The following XPNPEP2 variants were observed in gnomAD, a reference collection of about 807,000 sequenced individuals.
XPNPEP2 encodes the protein X-prolyl aminopeptidase 2, also known as xaa-Pro aminopeptidase 2.
Under a neutral mutation model 59.8 loss-of-function variants are expected in XPNPEP2, and 64 were observed. The observed-to-expected ratio is 1.07, with a 90% CI of 0.87 to 1.32. The LOEUF (loss-of-function observed/expected upper bound fraction) is 1.32, where lower values mean the gene tolerates loss of function less well. Ranked by LOEUF, XPNPEP2 falls within the 40% of genes most tolerant of loss-of-function variation. XPNPEP2 has a pLI of 0.00. For synonymous variants in XPNPEP2, 235 were observed against 210.0 expected (o/e 1.12, Z -1.03); for missense variants, 575 against 546.8 (o/e 1.05, Z -0.51).
Position 129,739,470 on chromosome X carries a change from GA to G in XPNPEP2, c.49+216del, listed in dbSNP as rs753351194. ...GCACCTTTCCATTCCCCCCGTTATA[GA>G]AAAAAAATATTCTGACACTCGTTAA... On this transcript the variant is annotated intron_variant, in intron 1 of 20. Transcript: ENST00000371106. Among the ~76,000 whole-genome samples, 13 of 111,389 alleles carry G rather than the reference GA, an allele frequency of 1.2e-4. No homozygotes were observed. In the South Asian group the frequency reaches 4.9e-3, roughly 42 times the overall value.
chrX:129,759,273 T>C (rs859580), intron 15 of XPNPEP2, 33 bp downstream of exon 15: 43,227 of 1,203,288 alleles, frequency 0.036, 1,637 homozygotes, highest in African/African-American at 0.22. Context: ...CCTCACCACC[T>C]TCCCCCAAGG....
At chrX:129,751,485 A>G (rs1414385490) in intron 8 of XPNPEP2, among the ~76,000 whole-genome samples, 2 of 106,071 alleles carry the variant, frequency 1.9e-5, no homozygotes, top group Non-Finnish European at 3.9e-5. Context: ...CCTGGGTGAC[A>G]GAGCAAGATA....
At chrX:129,750,745 T>C (rs1462012102) in intron 8 of XPNPEP2, among the ~76,000 whole-genome samples, 176 bp downstream of exon 8, 4 of 112,280 alleles carry the variant, frequency 3.6e-5, no homozygotes, top group Non-Finnish European at 5.6e-5. Flanking sequence ...CAGGAGCTCA[T>C]GGCTTCAGAA....
chrX:129,747,538 GCC>G, intron 6 of XPNPEP2, 67 bp from the exon 7 acceptor site: 1 of 1,182,361 alleles, frequency 8.5e-7, no homozygotes, highest in South Asian at 1.9e-5. Context: ...GACTAACTTT[GCC>G]TGAATCACAA....
In XPNPEP2 at chrX:129,768,585, C is replaced by T. The variant is rs1330162437; in HGVS notation, c.*100C>T. 22 of 779,096 alleles carry T rather than the reference C, an allele frequency of 2.8e-5. No homozygotes were observed. The highest frequency in any genetic ancestry group is 3.8e-5 in the Non-Finnish European group (22 of 581,783). 64.2% of individuals were successfully genotyped at this position (779,096 alleles called of 1,213,427 possible). A position where few individuals can be genotyped will look rare whatever the true frequency, so the allele number is the denominator to read the frequency against. ...AACATACCCCAAGAGCCCCTGCTGG[C>T]CCATTGCCTAGAAACCTTTGCATTC... On this transcript the variant is annotated 3_prime_UTR_variant, in exon 21 of 21. Transcript: ENST00000371106.
At chrX:129,745,378 G>T in intron 4 of XPNPEP2, 112 bp downstream of exon 4, 1 of 881,083 alleles carries the variant, frequency 1.1e-6, no homozygotes, top group South Asian at 2.2e-5. Context: ...CTACTGTAGA[G>T]AAAACCCTTC....
intron 8 of XPNPEP2, among the ~76,000 whole-genome samples, 169 bp from the exon 9 acceptor site, chrX:129,751,576 A>G (rs1425643793): frequency 2.6e-5 from 2 of 77,420 alleles, no homozygotes; most frequent in African/African-American, 1.1e-4. Flanking sequence ...GAAAGAAAGA[A>G]AGAAAGAAAG....
chrX:129,744,299 T>C (rs772367668), intron 3 of XPNPEP2, among the ~76,000 whole-genome samples: 2 of 112,095 alleles, frequency 1.8e-5, no homozygotes, highest in East Asian at 5.6e-4. Flanking sequence ...AATTAAACTA[T>C]AAACAACTTC....
chrX:129,755,439 G>A, intron 13 of XPNPEP2, 68 bp downstream of exon 13: 9 of 1,054,919 alleles, frequency 8.5e-6, no homozygotes, highest in East Asian at 3.0e-5. Flanking sequence ...GAGGAACAGG[G>A]TGAGGGGAGG....
Position 129,756,575 on chromosome X carries a change from C to G in XPNPEP2, c.1367+20C>G, listed in dbSNP as rs367970538. 12 of 1,204,033 alleles carry G rather than the reference C, an allele frequency of 1.0e-5. No individual in the cohort carries two copies. In the Middle Eastern group the frequency reaches 1.4e-3, roughly 139 times the overall value. ...GTACTGGTATGTACCCCGACCTCAC[C>G]CTAGCCTGGATGTCTCTGCTCAGAC... On this transcript the variant is annotated intron_variant, in intron 14 of 20. Transcript: ENST00000371106.
intron 2 of XPNPEP2, 146 bp from the exon 3 acceptor site, chrX:129,743,815 C>G: frequency 1.9e-6 from 1 of 513,572 alleles, no homozygotes; most frequent in African/African-American, 2.3e-5. Flanking sequence ...CATCCCTTCC[C>G]AAGCCAGGCC....
chrX:129,756,996 C>CTATATATATATATATA lies in XPNPEP2; in HGVS notation c.1367+454_1367+469dup, dbSNP rs61273791. ...TACAGGTGTCCACCACCATGCCCAG[C>CTATATATATATATATA]TATATATATATATATATATATATAT... is the stretch of plus-strand genomic sequence containing the variant. On this transcript the variant is annotated intron_variant, in intron 14 of 20. Coordinates refer to ENST00000371106, the MANE Select transcript of XPNPEP2 (RefSeq NM_003399.6). Among the ~76,000 whole-genome samples the CTATATATATATATATA allele has an allele frequency of 1.5e-3, 104 of 70,377 alleles. No individual in the cohort carries two copies. The East Asian group carries it at 0.017, about 12-fold the overall frequency. 61.1% of individuals were successfully genotyped at this position (70,377 alleles called of 115,157 possible).
Position 129,754,569 on chromosome X carries a change from A to G in XPNPEP2, c.1205A>G (p.Asp402Gly). The G allele has an allele frequency of 1.7e-6, 2 of 1,184,721 alleles. No individual in the cohort carries two copies. Among genetic ancestry groups the G allele is most frequent in the Non-Finnish European group, 2.3e-6 (2 of 882,160 alleles). ...GAGTTCTCGGGGGCAGAGATCGTGG[A>G]CAAGTTCCGAGGGTGAAGAGCCACG... ...VDEFSGAEIV[D>G]KFRGEEQFSS... Residue 402 changes from aspartate (D) to glycine (G), a missense_variant, in exon 12 of 21, where the codon GAC (aspartate) becomes GGC (glycine). Asp to Gly is a moderately conservative substitution (Grantham distance 94). Transcript: ENST00000371106.
intron 17 of XPNPEP2, 43 bp from the exon 18 acceptor site, chrX:129,761,963 G>A (rs1350911386): frequency 1.7e-6 from 2 of 1,186,811 alleles, no homozygotes; most frequent in Admixed American, 4.4e-5. Flanking sequence ...CCAAGCTGGT[G>A]AGTATAGGAG....
chrX:129,767,397 G>T (rs894497131), intron 19 of XPNPEP2, among the ~76,000 whole-genome samples: 1 of 111,330 alleles, frequency 9.0e-6, no homozygotes, highest in Non-Finnish European at 1.9e-5. Context: ...CAGGAGGGAA[G>T]CACCAAAGGT....
intron 15 of XPNPEP2, 151 bp downstream of exon 15, chrX:129,759,391 G>A: frequency 3.1e-6 from 2 of 636,032 alleles, no homozygotes; most frequent in Admixed American, 6.2e-5. Context: ...AAAACCCAGT[G>A]CTCCCTGCTG....
At chrX:129,753,344 A>G in intron 11 of XPNPEP2, 96 bp downstream of exon 11, 1 of 867,867 alleles carries the variant, frequency 1.2e-6, no homozygotes. Flanking sequence ...GAAGACCCTC[A>G]ATGAAACAAA....
chrX:129,745,438 G>T (rs1926276260), intron 4 of XPNPEP2, among the ~76,000 whole-genome samples, 172 bp downstream of exon 4: 1 of 110,849 alleles, frequency 9.0e-6, no homozygotes, highest in African/African-American at 3.3e-5. Flanking sequence ...ATTCCCCAGG[G>T]CACATATCTC....
Position 129,762,007 on chromosome X carries a change from G to C in XPNPEP2, c.1605G>C (p.Trp535Cys). ...GIGNFLCVHE[W>C]PVGFQSNNIA... ...CCATGTTTATGTCTTCCTTTCTAGG[G>C]CCAGTGGGATTCCAGTCCAACAACA... The change falls in exon 18 of 21, where the codon TGG becomes TGC. Residue 535 changes from tryptophan (W) to cysteine (C), a missense_variant and splice_region_variant. Physicochemically the swap from Trp to Cys is radical, Grantham distance 215 (BLOSUM62 -2). Transcript: ENST00000371106. 1 of 1,211,482 alleles carries C rather than the reference G, an allele frequency of 8.3e-7. No homozygotes were observed. Among genetic ancestry groups the C allele is most frequent in the Non-Finnish European group, 1.1e-6 (1 of 895,205 alleles).
Sources: allele counts gnomAD v4.1 joint callset (sites outside exome capture counted in the v4.1 genomes callset), GRCh38; gene constraint gnomAD v4.1.1; transcripts MANE v1.5; gene names NCBI Gene and HGNC (gene_info 2026-07-23, HGNC 2026-07-21).